HMCN1: variants seen among roughly 807,000 people sequenced by gnomAD.
The protein encoded by HMCN1 is hemicentin 1.
A neutral mutation model predicts 625.9 loss-of-function variants in HMCN1; 321 were observed. That is an observed-to-expected ratio of 0.51 (90% CI 0.47 to 0.56). The LOEUF (loss-of-function observed/expected upper bound fraction) is 0.56. Among genes scored for constraint, HMCN1 ranks in the 20% least tolerant of loss-of-function variants. The pLI, the probability that HMCN1 is intolerant of heterozygous loss-of-function variation, is 0.00. For missense variants in HMCN1, 6,588 were observed against 6,887.3 expected, an observed-to-expected ratio of 0.96 and a Z score of 1.54; for synonymous variants, 2,425 against 2,417.6, an observed-to-expected ratio of 1.00 and a Z score of -0.09.
chr1:185,780,360 C>G (rs1024020570), intron 1 of HMCN1, among the ~76,000 whole-genome samples: 4 of 152,082 alleles, frequency 2.6e-5, no homozygotes, highest in Non-Finnish European at 5.9e-5. Flanking sequence ...GCCTAATTGC[C>G]CTGGCCAGAA....
chr1:185,752,132 A>C (rs1017760230), intron 1 of HMCN1, among the ~76,000 whole-genome samples: 1 of 151,822 alleles, frequency 6.6e-6, no homozygotes, highest in Non-Finnish European at 1.5e-5. Flanking sequence ...TGGGCTTTGG[A>C]TTCCGGTGCT....
chr1:185,752,966 T>C (rs1285541006), intron 1 of HMCN1, among the ~76,000 whole-genome samples: 1 of 151,948 alleles, frequency 6.6e-6, no homozygotes, highest in Non-Finnish European at 1.5e-5. Context: ...TAGCAATATA[T>C]AAAAAGGAGC....
At chr1:185,898,229 C>T (rs1215632894) in intron 4 of HMCN1, among the ~76,000 whole-genome samples, 1 of 152,076 alleles carries the variant, frequency 6.6e-6, no homozygotes, top group Non-Finnish European at 1.5e-5. Flanking sequence ...GAGACAGAGA[C>T]AAAATCACTG....
At chr1:185,876,599 C>T (rs1331766818) in intron 4 of HMCN1, among the ~76,000 whole-genome samples, 2 of 152,054 alleles carry the variant, frequency 1.3e-5, no homozygotes, top group African/African-American at 2.4e-5. Context: ...TTAGTAATAG[C>T]CATTCTGACT....
chr1:186,138,426 G>A (rs1008822071), intron 89 of HMCN1, among the ~76,000 whole-genome samples: 3 of 152,020 alleles, frequency 2.0e-5, no homozygotes, highest in Non-Finnish European at 1.5e-5. Flanking sequence ...GCTTTATATT[G>A]TTAATATTGT....
intron 1 of HMCN1, among the ~76,000 whole-genome samples, chr1:185,835,072 G>A (rs1661087325): frequency 6.6e-6 from 1 of 152,162 alleles, no homozygotes; most frequent in African/African-American, 2.4e-5. Context: ...ATGGATATCT[G>A]TAAAACACAG....
chr1:185,818,275 A>C (rs1006107369), intron 1 of HMCN1, among the ~76,000 whole-genome samples: 2 of 152,236 alleles, frequency 1.3e-5, no homozygotes, highest in East Asian at 3.8e-4. Flanking sequence ...GTGTGGGCTT[A>C]TCACATAACA....
chr1:185,891,498 C>G (rs1665081819), intron 4 of HMCN1, among the ~76,000 whole-genome samples: 1 of 147,876 alleles, frequency 6.8e-6, no homozygotes, highest in African/African-American at 2.7e-5. Context: ...TCTTTTAGGG[C>G]AGGCCTGGTC....
chr1:186,173,974 A>G (rs1194813302), intron 102 of HMCN1, among the ~76,000 whole-genome samples: 1 of 152,242 alleles, frequency 6.6e-6, no homozygotes, highest in African/African-American at 2.4e-5. Flanking sequence ...ACTCTTTTAA[A>G]AGAAATGCTT....
At chr1:186,038,061 C>G in intron 37 of HMCN1, 26 bp downstream of exon 37, 2 of 1,407,440 alleles carry the variant, frequency 1.4e-6, no homozygotes, top group Non-Finnish European at 2.0e-6. Flanking sequence ...AACTCTGTAA[C>G]TTAATATTTT....
intron 103 of HMCN1, among the ~76,000 whole-genome samples, chr1:186,175,948 A>C (rs1652548225): frequency 6.6e-6 from 1 of 151,952 alleles, no homozygotes; most frequent in Non-Finnish European, 1.5e-5. Flanking sequence ...GTCTCAAAAA[A>C]AGAGAAAGGA....
At chr1:185,905,773 A>C (rs1005648348) in intron 4 of HMCN1, among the ~76,000 whole-genome samples, 4 of 151,824 alleles carry the variant, frequency 2.6e-5, no homozygotes, top group African/African-American at 4.8e-5. Flanking sequence ...AGACTATACA[A>C]GGGAATTATG....
chr1:186,118,204 C>T (rs1467503706), intron 77 of HMCN1, among the ~76,000 whole-genome samples: 6 of 151,906 alleles, frequency 3.9e-5, no homozygotes, highest in South Asian at 4.2e-4. Context: ...AGGTGATTCA[C>T]GTTGGTGTTT....
At chr1:185,859,288 A>G (rs1662719384) in intron 2 of HMCN1, among the ~76,000 whole-genome samples, 1 of 152,092 alleles carries the variant, frequency 6.6e-6, no homozygotes, top group South Asian at 2.1e-4. Context: ...TTCATGAAAG[A>G]CTTAATCAAA....
chr1:185,807,138 A>G (rs1369680074), intron 1 of HMCN1, among the ~76,000 whole-genome samples: 3 of 152,204 alleles, frequency 2.0e-5, no homozygotes, highest in Non-Finnish European at 2.9e-5. Flanking sequence ...TAAATTTCCT[A>G]TTTAAACTAT....
chr1:185,947,184 C>T (rs1477735231), intron 11 of HMCN1, among the ~76,000 whole-genome samples: 1 of 152,168 alleles, frequency 6.6e-6, no homozygotes, highest in Non-Finnish European at 1.5e-5. Context: ...AATCTTCCCT[C>T]TGAGATTTAA....
rs778965369 is a variant in HMCN1 at position 185,977,992 on chromosome 1, G to A, written c.2566+11G>A. On this transcript the variant is annotated intron_variant, in intron 16 of 106. Coordinates refer to ENST00000271588, the MANE Select transcript of HMCN1 (RefSeq NM_031935.3). ...CTCTCTTTATTTTAAGTAGGTTGAAGGAAATATATTTTGTACGAATATGTA... is the reference window on the plus strand; with the variant it reads ...CTCTCTTTATTTTAAGTAGGTTGAAAGAAATATATTTTGTACGAATATGTA... The A allele has an allele frequency of 1.3e-6, 2 of 1,579,246 alleles. No individual in the cohort carries two copies. The highest frequency in any genetic ancestry group is 2.7e-5 in the African/African-American group (2 of 74,070).
Position 186,067,983 on chromosome 1 carries a change from A to T in HMCN1, c.7855A>T (p.Asn2619Tyr), listed in dbSNP as rs1225125597. Reference sequence around the variant, plus strand: ...TAAGGATGGCACTCCTTTAGAATCTAACCGAAATATTCGTATTCTTCCAGG... The same window carrying T: ...TAAGGATGGCACTCCTTTAGAATCTTACCGAAATATTCGTATTCTTCCAGG... ...WFKDGTPLES[N>Y]RNIRILPGGR... Residue 2619 changes from asparagine to tyrosine, a missense_variant, in exon 50 of 107, where the codon AAC becomes TAC. Asn to Tyr is a moderately radical substitution (Grantham distance 143). Transcript: ENST00000271588. 6.2e-7 allele frequency: 1 copy of T among 1,613,576 alleles called. No homozygotes were observed. The highest frequency in any genetic ancestry group is 1.3e-5 in the African/African-American group (1 of 74,902).
rs957077236 is a variant in HMCN1, at chr1:185,734,413, C to A, written c.-367C>A. 19 of 230,032 alleles carry A rather than the reference C, an allele frequency of 8.3e-5. No homozygotes were observed. The highest frequency in any genetic ancestry group is 1.6e-4 in the Non-Finnish European group (19 of 119,266). 14.2% of individuals were successfully genotyped at this position (230,032 alleles called of 1,614,324 possible). On this transcript the variant is annotated 5_prime_UTR_variant, in exon 1 of 107. Coordinates refer to ENST00000271588, the MANE Select transcript of HMCN1 (RefSeq NM_031935.3). Reference sequence around the variant, plus strand: ...CTCAGTCGCTGGCCCAGGCGGAGAGCAGCGGCGGCGGCGAGGGCAGCGGGA... The same window carrying A: ...CTCAGTCGCTGGCCCAGGCGGAGAGAAGCGGCGGCGGCGAGGGCAGCGGGA...
Sources: gnomAD v4.1 joint callset for allele counts (sites outside exome capture counted in the v4.1 genomes callset) on GRCh38, gnomAD v4.1.1 for gene constraint, MANE v1.5 for transcripts, NCBI Gene and HGNC (gene_info 2026-07-23, HGNC 2026-07-21) for gene names.